WFDC1: variants seen among roughly 807,000 people sequenced by gnomAD.
WFDC1 encodes WAP four-disulfide core domain protein 1.
Under a neutral mutation model 32.9 loss-of-function variants are expected in WFDC1, and 39 were observed. That is an observed-to-expected ratio of 1.19 (90% confidence interval 0.92 to 1.55). The LOEUF (loss-of-function observed/expected upper bound fraction) is 1.55. Among genes scored for constraint, WFDC1 ranks in the 40% most tolerant of loss-of-function variants. The pLI, the probability that WFDC1 is intolerant of heterozygous loss-of-function variation, is 0.00. For synonymous variants in WFDC1, 184 were observed against 137.4 expected (o/e 1.34, Z -2.37); for missense variants, 386 against 309.5 (o/e 1.25, Z -1.85).
chr16:84,299,131 C>T (rs996308297), intron 1 of WFDC1, among the ~76,000 whole-genome samples: 3 of 152,040 alleles, frequency 2.0e-5, no homozygotes, highest in Non-Finnish European at 4.4e-5. Flanking sequence ...GAGGCCAAGG[C>T]AGGCAGATCT....
chr16:84,326,717 G>T (rs1677383169), intron 5 of WFDC1, 165 bp from the exon 6 acceptor site: 7 of 689,402 alleles, frequency 1.0e-5, no homozygotes, highest in Non-Finnish European at 1.8e-5. Context: ...GGGGGGCCTG[G>T]GGAGGGAGAG....
At chr16:84,317,337 T>G (rs1908020065) in intron 2 of WFDC1, 1 of 108,030 alleles carries the variant, frequency 9.3e-6, no homozygotes, top group Non-Finnish European at 1.9e-5. Context: ...AATAAATAAA[T>G]AAGAAGTAAA....
At chr16:84,315,156 C>A (rs1301290658) in intron 2 of WFDC1, among the ~76,000 whole-genome samples, 3 of 152,196 alleles carry the variant, frequency 2.0e-5, no homozygotes, top group Admixed American at 6.5e-5. Context: ...CGTGTGGGGT[C>A]CTTCATTGCC....
chr16:84,311,695 C>CTTTTTT (rs67144104), intron 1 of WFDC1, among the ~76,000 whole-genome samples: 8 of 73,456 alleles, frequency 1.1e-4, no homozygotes, highest in Admixed American at 2.0e-4. Flanking sequence ...TGCCTGACTG[C>CTTTTTT]TTTTTTTTTT....
rs1908806961 is a variant in WFDC1, at chr16:84,329,635, A to G, written c.*329A>G. ...GCCCCTTTCTAAGACAAGGCTCAGC[A>G]TCTTGATATTTTTGACAGATTCCTC... On this transcript the variant is annotated 3_prime_UTR_variant, in exon 7 of 7. Coordinates refer to ENST00000219454, the MANE Select transcript of WFDC1 (RefSeq NM_021197.4). 6.6e-6 allele frequency: 1 copy of G among 152,174 alleles called. No individual in the cohort carries two copies. The highest frequency in any genetic ancestry group is 1.5e-5 in the Non-Finnish European group (1 of 68,024). The allele number at this position is 152,174 out of a possible 1,614,324, so 9.4% of individuals were successfully genotyped here.
chr16:84,296,132 C>T (rs754040772), intron 1 of WFDC1, among the ~76,000 whole-genome samples: 2 of 152,120 alleles, frequency 1.3e-5, no homozygotes, highest in African/African-American at 2.4e-5. Flanking sequence ...TGAGCCAGGA[C>T]GATATCAGCA....
At chr16:84,307,127 G>A (rs1443835106) in intron 1 of WFDC1, among the ~76,000 whole-genome samples, 1 of 152,122 alleles carries the variant, frequency 6.6e-6, no homozygotes, top group Non-Finnish European at 1.5e-5. Flanking sequence ...GGGGAGTGCT[G>A]GAAGAGAGGT....
intron 1 of WFDC1, among the ~76,000 whole-genome samples, chr16:84,309,210 G>A (rs1327227494): frequency 3.3e-5 from 5 of 152,110 alleles, no homozygotes; most frequent in African/African-American, 1.2e-4. Flanking sequence ...GGCATGTAAG[G>A]ACAAGGAGGG....
chr16:84,321,307 G>C (rs1908291610), intron 4 of WFDC1, among the ~76,000 whole-genome samples: 1 of 152,204 alleles, frequency 6.6e-6, no homozygotes, highest in African/African-American at 2.4e-5. Flanking sequence ...AACCTTCACT[G>C]TTTTATCACT....
chr16:84,328,611 G>C (rs957872306), intron 6 of WFDC1: 3 of 152,330 alleles, frequency 2.0e-5, no homozygotes, highest in Non-Finnish European at 4.4e-5. Context: ...AGTGGATGAG[G>C]ACGAGACCTT....
chr16:84,328,263 G>A (rs763882448), intron 6 of WFDC1: 2 of 152,480 alleles, frequency 1.3e-5, no homozygotes, highest in Non-Finnish European at 2.9e-5. Flanking sequence ...GGAGGCCGCA[G>A]GTGAGGCACA....
intron 1 of WFDC1, among the ~76,000 whole-genome samples, chr16:84,305,036 T>G (rs534391050): frequency 2.0e-5 from 3 of 151,726 alleles, no homozygotes; most frequent in East Asian, 3.9e-4. Context: ...CCTCTGACTC[T>G]TCTCAGCTGC....
In WFDC1 at chr16:84,297,506, A is replaced by T. The variant is rs528778321; in HGVS notation, c.144+2391A>T. Among the ~76,000 whole-genome samples, 177 of 151,456 alleles carry T rather than the reference A, an allele frequency of 1.2e-3. 1 individual carries two copies. Among genetic ancestry groups the T allele is most frequent in the African/African-American group, 4.0e-3 (165 of 41,266 alleles). On this transcript the variant is annotated intron_variant, in intron 1 of 6. Transcript: ENST00000219454. ...GCGGCAAATGCCTGTAATCCCAGCTACTCAGAAGGCTGAGGTGGAAGAATT... is the reference window on the plus strand; with the variant it reads ...GCGGCAAATGCCTGTAATCCCAGCTTCTCAGAAGGCTGAGGTGGAAGAATT...
intron 1 of WFDC1, among the ~76,000 whole-genome samples, chr16:84,298,986 A>G (rs1397215359): frequency 6.6e-6 from 1 of 152,150 alleles, no homozygotes; most frequent in African/African-American, 2.4e-5. Context: ...CAGTAAAAAG[A>G]CCATAGAGCC....
chr16:84,298,671 C>G (rs775834691), intron 1 of WFDC1, among the ~76,000 whole-genome samples: 27 of 152,216 alleles, frequency 1.8e-4, no homozygotes, highest in Non-Finnish European at 2.9e-4. Flanking sequence ...GTAGCCTGCT[C>G]TAGTCTCTCA....
At chr16:84,299,496 C>G (rs112291170) in intron 1 of WFDC1, among the ~76,000 whole-genome samples, 1 of 152,104 alleles carries the variant, frequency 6.6e-6, no homozygotes, top group South Asian at 2.1e-4. Flanking sequence ...GGAGCTCAGT[C>G]GGTTCTGTGG....
At chr16:84,320,567 T>C (rs1908248611) in intron 4 of WFDC1, among the ~76,000 whole-genome samples, 2 of 152,224 alleles carry the variant, frequency 1.3e-5, no homozygotes, top group South Asian at 4.1e-4. Flanking sequence ...CCTGGTGGTA[T>C]CTAAAACCAT....
rs200259458 is a variant in WFDC1 at position 84,294,937 on chromosome 16, T to C, written c.-35T>C. 4.0e-4 allele frequency: 635 copies of C among 1,598,062 alleles called. 1 individual carries two copies. The highest frequency in any genetic ancestry group is 5.1e-4 in the Non-Finnish European group (594 of 1,171,894). ...CACGCAGCGAGGGGGGCCCCTCTTC[T>C]GTGTGCGTCTGGAAGGTCGCTGCCC... On this transcript the variant is annotated 5_prime_UTR_variant, in exon 1 of 7. Coordinates refer to ENST00000219454, the MANE Select transcript of WFDC1 (RefSeq NM_021197.4).
At chr16:84,305,417 C>G (rs1907192811) in intron 1 of WFDC1, among the ~76,000 whole-genome samples, 1 of 152,244 alleles carries the variant, frequency 6.6e-6, no homozygotes. Flanking sequence ...CTTAGGAACT[C>G]TGCGAGTTGT....
Sources: gnomAD v4.1 joint callset for allele counts (sites outside exome capture counted in the v4.1 genomes callset) on GRCh38, gnomAD v4.1.1 for gene constraint, MANE v1.5 for transcripts, NCBI Gene and HGNC (gene_info 2026-07-23, HGNC 2026-07-21) for gene names.